ARHGAP6: variants seen among roughly 807,000 people sequenced by gnomAD.
ARHGAP6 encodes the protein rho GTPase-activating protein 6.
A neutral mutation model predicts 55.7 loss-of-function variants in ARHGAP6; 16 were observed. The observed-to-expected ratio is 0.29, with a 90% CI of 0.19 to 0.44. The LOEUF (loss-of-function observed/expected upper bound fraction) is 0.44, where lower values mean the gene tolerates loss of function less well. ARHGAP6 is among the 20% of genes least tolerant of loss of function. The pLI is 1.00. For synonymous variants in ARHGAP6, 382 were observed against 360.9 expected (o/e 1.06, Z -0.66); for missense variants, 698 against 808.9 (o/e 0.86, Z 1.66).
At position 11,138,951 on chromosome X, in the gene ARHGAP6, C is replaced by A; in HGVS notation, c.2837G>T (p.Gly946Val). 1 of 1,196,825 alleles carries A rather than the reference C, an allele frequency of 8.4e-7. No homozygotes were observed. The highest frequency in any genetic ancestry group is 1.1e-6 in the Non-Finnish European group (1 of 889,810). The change falls in exon 13 of 13, where the codon GGC (glycine) becomes GTC (valine). Residue 946 changes from glycine (G) to valine (V), a missense_variant. Physicochemically the swap from Gly to Val is moderately radical, Grantham distance 109. Coordinates refer to ENST00000337414, the MANE Select transcript of ARHGAP6 (RefSeq NM_013427.3). Reference protein sequence around the residue: ...EQDSPRLGDAGWLDWQRERWQ... With the variant: ...EQDSPRLGDAVWLDWQRERWQ... Reference sequence around the variant, plus strand: ...GCGCTCTCTCTGCCAGTCGAGCCAGCCAGCGTCCCCCAGGCGCGGACTGTC... The same window carrying A: ...GCGCTCTCTCTGCCAGTCGAGCCAGACAGCGTCCCCCAGGCGCGGACTGTC...
chrX:11,330,786 T>C (rs191365335), intron 1 of ARHGAP6, among the ~76,000 whole-genome samples: 8 of 111,940 alleles, frequency 7.1e-5, no homozygotes, highest in Admixed American at 6.7e-4. Flanking sequence ...AGCAAATCAA[T>C]TGGAGTCACC....
At chrX:11,516,988 G>A (rs62587974) in intron 1 of ARHGAP6, among the ~76,000 whole-genome samples, 1,669 of 111,177 alleles carry the variant, frequency 0.015, 12 homozygotes, top group Middle Eastern at 0.037. Context: ...ATATCTATCC[G>A]CGAGCCTCTC....
chrX:11,453,195 T>TATATATATACATA (rs1414325249), intron 1 of ARHGAP6, among the ~76,000 whole-genome samples: 118 of 100,516 alleles, frequency 1.2e-3, no homozygotes, highest in Middle Eastern at 5.0e-3. Context: ...TCTCTCTCTC[T>TATATATATACATA]ATATATATAC....
At chrX:11,589,107 T>C (rs923988866) in intron 1 of ARHGAP6, among the ~76,000 whole-genome samples, 8 of 106,353 alleles carry the variant, frequency 7.5e-5, no homozygotes, top group African/African-American at 1.7e-4. Context: ...AGTAGTGCAG[T>C]CTTGGCTCAC....
At chrX:11,651,692 C>T (rs767148160) in intron 1 of ARHGAP6, among the ~76,000 whole-genome samples, 34 of 111,679 alleles carry the variant, frequency 3.0e-4, no homozygotes, top group African/African-American at 1.1e-3. Context: ...GTAATTCTGT[C>T]TTTAGGTCTT....
At chrX:11,243,127 A>AT (rs113724765) in intron 2 of ARHGAP6, among the ~76,000 whole-genome samples, 29,304 of 111,251 alleles carry the variant, frequency 0.26, 3,312 homozygotes, top group African/African-American at 0.44. Flanking sequence ...AAGCAAATAA[A>AT]ATAAGAATGG....
At chrX:11,618,102 TGAAAATGGAG>T (rs1480160651) in intron 1 of ARHGAP6, among the ~76,000 whole-genome samples, 1 of 111,557 alleles carries the variant, frequency 9.0e-6, no homozygotes, top group Non-Finnish European at 1.9e-5. Flanking sequence ...CTGCTGGCTT[TGAAAATGGAG>T]GAAGGGGCCA....
chrX:11,516,165 G>C (rs1326340013), intron 1 of ARHGAP6, among the ~76,000 whole-genome samples: 2 of 112,535 alleles, frequency 1.8e-5, no homozygotes, highest in Non-Finnish European at 3.8e-5. Context: ...CGAAAAGTTA[G>C]TTACTAAGTA....
chrX:11,349,556 C>CA (rs955577212), intron 1 of ARHGAP6, among the ~76,000 whole-genome samples: 24 of 107,523 alleles, frequency 2.2e-4, no homozygotes, highest in South Asian at 8.0e-4. Context: ...TGAATGAGAG[C>CA]AAAAAAAAAG....
intron 1 of ARHGAP6, among the ~76,000 whole-genome samples, chrX:11,276,434 T>C (rs1045092934): frequency 8.9e-6 from 1 of 112,269 alleles, no homozygotes; most frequent in Non-Finnish European, 1.9e-5. Context: ...TTTCTGTCTA[T>C]TAGCATGGAA....
chrX:11,657,932 A>G (rs1251698706), intron 1 of ARHGAP6, among the ~76,000 whole-genome samples: 3 of 111,949 alleles, frequency 2.7e-5, no homozygotes, highest in African/African-American at 9.8e-5. Flanking sequence ...GGAGTCTAAG[A>G]AGATTCTTGG....
At chrX:11,265,743 T>G (rs754363283) in intron 1 of ARHGAP6, 1 of 919,416 alleles carries the variant, frequency 1.1e-6, no homozygotes, top group South Asian at 2.4e-5. Context: ...TGAACTAAGC[T>G]TGCAGTAGGA....
At chrX:11,179,072 T>G (rs2046276683) in intron 7 of ARHGAP6, among the ~76,000 whole-genome samples, 1 of 112,479 alleles carries the variant, frequency 8.9e-6, no homozygotes, top group Non-Finnish European at 1.9e-5. Flanking sequence ...TTGGGTTATT[T>G]GAAAGCATCT....
chrX:11,236,049 C>G (rs149097938), intron 2 of ARHGAP6, among the ~76,000 whole-genome samples: 28 of 111,958 alleles, frequency 2.5e-4, no homozygotes, highest in African/African-American at 8.4e-4. Flanking sequence ...TAGCAGCACC[C>G]AACTCTACTG....
chrX:11,535,856 T>C (rs2051099662), intron 1 of ARHGAP6, among the ~76,000 whole-genome samples: 1 of 112,225 alleles, frequency 8.9e-6, no homozygotes, highest in African/African-American at 3.3e-5. Flanking sequence ...GCTCTGCAGA[T>C]ATCCTTTGGG....
At chrX:11,182,635 CTTTTTTTTT>C (rs1043810466) in intron 5 of ARHGAP6, among the ~76,000 whole-genome samples, 6 of 83,131 alleles carry the variant, frequency 7.2e-5, no homozygotes, top group Non-Finnish European at 1.4e-4. Context: ...TTCCTTTTTT[CTTTTTTTTT>C]TTTTTTTTTG....
In ARHGAP6 at chrX:11,513,290, C is replaced by A. The variant is rs1321154535; in HGVS notation, c.588+150951G>T. Among the ~76,000 whole-genome samples, 16 of 111,610 alleles carry A rather than the reference C, an allele frequency of 1.4e-4. No homozygotes were observed. In the South Asian group the frequency reaches 1.5e-3, roughly 11 times the overall value. ...ACCCCCCAGCAAAAACAAACCACCA[C>A]CAACAAAAAAACCCACAAGATTTTG... On this transcript the variant is annotated intron_variant, in intron 1 of 12. Transcript: ENST00000337414.
chrX:11,589,593 CAG>C (rs2051780147), intron 1 of ARHGAP6, among the ~76,000 whole-genome samples: 1 of 109,574 alleles, frequency 9.1e-6, no homozygotes, highest in South Asian at 4.0e-4. Context: ...TCTATAAAAA[CAG>C]GGTACTTTTC....
intron 8 of ARHGAP6, among the ~76,000 whole-genome samples, chrX:11,176,532 G>A (rs1256860328): frequency 2.8e-5 from 3 of 105,916 alleles, no homozygotes; most frequent in Non-Finnish European, 3.9e-5. Context: ...GCAACAATGA[G>A]TTCGATTGGA....
Sources: allele counts gnomAD v4.1 joint callset (sites outside exome capture counted in the v4.1 genomes callset), GRCh38; gene constraint gnomAD v4.1.1; transcripts MANE v1.5; gene names NCBI Gene and HGNC (gene_info 2026-07-23, HGNC 2026-07-21).